PTPRJ: variants seen among roughly 807,000 people sequenced by gnomAD.
PTPRJ encodes receptor-type tyrosine-protein phosphatase eta.
In PTPRJ, 129 loss-of-function variants were observed where a neutral mutation model predicts 141.3. The ratio of observed to expected loss-of-function variants is 0.91; its 90% CI spans 0.79 to 1.06. The LOEUF (loss-of-function observed/expected upper bound fraction) is 1.06. Among genes scored for constraint, PTPRJ ranks in the 50% least tolerant of loss-of-function variants. The pLI is 0.00. For synonymous variants in PTPRJ, 610 were observed against 640.5 expected (o/e 0.95, Z 0.72); for missense variants, 1,601 against 1,679.7 (o/e 0.95, Z 0.82).
In PTPRJ at chr11:48,128,339, C is replaced by T. The variant is rs138321285; in HGVS notation, c.1357+296C>T. On this transcript the variant is annotated intron_variant, in intron 7 of 24. Coordinates refer to ENST00000418331, the MANE Select transcript of PTPRJ (RefSeq NM_002843.4). Reference sequence around the variant, plus strand: ...TCTGGTATTTCTCACCTGGAGCCTGCGCTTGTAACTCTCTTTCCAGTGTGG... The same window carrying T: ...TCTGGTATTTCTCACCTGGAGCCTGTGCTTGTAACTCTCTTTCCAGTGTGG... Among the ~76,000 whole-genome samples, 637 of 152,272 alleles carry T rather than the reference C, an allele frequency of 4.2e-3. 3 individuals are homozygous for T. The highest frequency in any genetic ancestry group is 5.6e-3 in the South Asian group (27 of 4,814).
intron 18 of PTPRJ, among the ~76,000 whole-genome samples, chr11:48,152,158 ATCTCAT>A (rs1857500012): frequency 6.6e-6 from 1 of 152,126 alleles, no homozygotes; most frequent in Non-Finnish European, 1.5e-5. Flanking sequence ...GTGAGATGCT[ATCTCAT>A]TGTGGTTTTG....
At position 48,110,091 on chromosome 11, in the gene PTPRJ, CCTCT is replaced by C. The variant is rs1364773880; in HGVS notation, c.115+18_115+21del. 1 of 1,612,396 alleles carries C rather than the reference CCTCT, an allele frequency of 6.2e-7. No individual in the cohort carries two copies. Among genetic ancestry groups the C allele is most frequent in the East Asian group, 2.2e-5 (1 of 44,868 alleles). On this transcript the variant is annotated intron_variant, in intron 2 of 24. Transcript: ENST00000418331. ...CGCAGGTGGCAGTGAGTACCCTTTT[CCTCT>C]CTATTCTTGTGTTGTTCGCTACTGC...
intron 2 of PTPRJ, 44 bp from the exon 3 acceptor site, chr11:48,112,703 G>A (rs1251783099): frequency 6.9e-7 from 1 of 1,448,040 alleles, no homozygotes; most frequent in Admixed American, 1.7e-5. Flanking sequence ...CCTGTCTCCT[G>A]GAGAAATATA....
intron 3 of PTPRJ, among the ~76,000 whole-genome samples, chr11:48,120,449 G>C (rs1856676199): frequency 6.6e-6 from 1 of 152,140 alleles, no homozygotes; most frequent in Non-Finnish European, 1.5e-5. Flanking sequence ...TTTTGAGATG[G>C]AGTCTCGGTC....
At chr11:48,064,581 G>A (rs1248279362) in intron 1 of PTPRJ, among the ~76,000 whole-genome samples, 2 of 151,950 alleles carry the variant, frequency 1.3e-5, no homozygotes, top group African/African-American at 2.4e-5. Flanking sequence ...AGCCCACTAC[G>A]AAGCCCGAGC....
At chr11:48,075,097 G>T (rs1291390979) in intron 1 of PTPRJ, among the ~76,000 whole-genome samples, 1 of 152,136 alleles carries the variant, frequency 6.6e-6, no homozygotes, top group Non-Finnish European at 1.5e-5. Flanking sequence ...TTCTGTCTTT[G>T]TTAACAACTA....
intron 3 of PTPRJ, among the ~76,000 whole-genome samples, chr11:48,117,424 C>T (rs1856594818): frequency 6.6e-6 from 1 of 151,106 alleles, no homozygotes; most frequent in South Asian, 2.1e-4. Flanking sequence ...ACCTGTAATC[C>T]CAGCTACTAG....
intron 18 of PTPRJ, among the ~76,000 whole-genome samples, chr11:48,153,395 G>A (rs570475969): frequency 1.1e-3 from 170 of 151,224 alleles, no homozygotes; most frequent in African/African-American, 3.7e-3. Flanking sequence ...TTAGCCAGGC[G>A]TGGTGGTGGG....
At chr11:48,118,945 G>A (rs376570364) in intron 3 of PTPRJ, among the ~76,000 whole-genome samples, 4 of 150,684 alleles carry the variant, frequency 2.7e-5, no homozygotes, top group Non-Finnish European at 4.4e-5. Flanking sequence ...GCCTGAACCC[G>A]GGAGGCAGAG....
At chr11:48,088,712 A>G (rs900593808) in intron 1 of PTPRJ, among the ~76,000 whole-genome samples, 1 of 152,150 alleles carries the variant, frequency 6.6e-6, no homozygotes, top group African/African-American at 2.4e-5. Context: ...TGAGTAACAT[A>G]AGAGCTTCTT....
intron 1 of PTPRJ, among the ~76,000 whole-genome samples, chr11:48,061,381 G>A (rs1854917708): frequency 6.6e-6 from 1 of 152,174 alleles, no homozygotes. Context: ...TCACCGGTGG[G>A]GCTCCTGGAA....
At chr11:48,014,047 A>G (rs1282542513) in intron 1 of PTPRJ, among the ~76,000 whole-genome samples, 1 of 152,188 alleles carries the variant, frequency 6.6e-6, no homozygotes, top group Non-Finnish European at 1.5e-5. Flanking sequence ...TTTTAGAAAC[A>G]TGATGTGTTC....
intron 1 of PTPRJ, among the ~76,000 whole-genome samples, chr11:48,107,053 G>A (rs1222470889): frequency 1.3e-5 from 2 of 152,086 alleles, no homozygotes; most frequent in Non-Finnish European, 2.9e-5. Flanking sequence ...ACAAGTGTGA[G>A]CCACTGCTCC....
intron 18 of PTPRJ, among the ~76,000 whole-genome samples, chr11:48,153,426 C>T (rs759910339): frequency 1.1e-4 from 14 of 129,862 alleles, no homozygotes; most frequent in South Asian, 2.6e-4. Flanking sequence ...CCCAGCTACT[C>T]GGGAGGCTGA....
intron 1 of PTPRJ, among the ~76,000 whole-genome samples, chr11:48,022,201 T>A (rs60974919): frequency 0.014 from 1,668 of 117,996 alleles, 30 homozygotes; most frequent in African/African-American, 0.11. Context: ...CGGTGGCTCA[T>A]GCCTGTAAAT....
At chr11:48,104,971 G>C (rs1163033141) in intron 1 of PTPRJ, among the ~76,000 whole-genome samples, 2 of 152,126 alleles carry the variant, frequency 1.3e-5, no homozygotes, top group African/African-American at 4.8e-5. Context: ...GGAAAATGGG[G>C]ATAAACACAG....
intron 3 of PTPRJ, among the ~76,000 whole-genome samples, chr11:48,118,180 T>C (rs1856614948): frequency 6.6e-6 from 1 of 152,244 alleles, no homozygotes; most frequent in Non-Finnish European, 1.5e-5. Flanking sequence ...ACTCCTGGGC[T>C]GAAATGATCC....
chr11:48,139,616 T>C lies in PTPRJ; in HGVS notation c.2283T>C (p.Asn761=), dbSNP rs1376767630. Residue 761 remains asparagine (N), a synonymous_variant, in exon 11 of 25, where the codon AAT becomes AAC. Coordinates refer to ENST00000418331, the MANE Select transcript of PTPRJ (RefSeq NM_002843.4). ...AGGTCAGCAGTGGAGCCTGGAACAA[T>C]GCGACCCACCTGGAGAGCTGCTCCT... is the stretch of plus-strand genomic sequence containing the variant. ...ELEVSSGAWN[N]ATHLESCSSE... 8 of 1,614,244 alleles carry C rather than the reference T, an allele frequency of 5.0e-6. No individual in the cohort carries two copies. In the South Asian group the frequency reaches 8.8e-5, roughly 18 times the overall value.
chr11:47,990,259 G>A (rs7115299), intron 1 of PTPRJ, among the ~76,000 whole-genome samples: 2,070 of 152,088 alleles, frequency 0.014, 49 homozygotes, highest in African/African-American at 0.047. Flanking sequence ...GCTATGTAGA[G>A]AACAATGTAT....
Sources: allele counts gnomAD v4.1 joint callset (sites outside exome capture counted in the v4.1 genomes callset), GRCh38; gene constraint gnomAD v4.1.1; transcripts MANE v1.5; gene names NCBI Gene and HGNC (gene_info 2026-07-23, HGNC 2026-07-21).